The following EXPH5 variants were observed in gnomAD, a reference collection of about 807,000 sequenced individuals.
The protein encoded by EXPH5 is exophilin-5.
In EXPH5, 42 loss-of-function variants were observed where a neutral mutation model predicts 41.1. That is an observed-to-expected ratio of 1.02 (90% CI 0.80 to 1.32). The LOEUF (loss-of-function observed/expected upper bound fraction) is 1.32, where lower values mean the gene tolerates loss of function less well. Ranked by LOEUF, EXPH5 falls within the 40% of genes most tolerant of loss-of-function variation. The pLI is 0.00. For missense variants in EXPH5, 2,298 were observed against 2,314.5 expected (o/e 0.99, Z 0.15); for synonymous variants, 798 against 833.5 (o/e 0.96, Z 0.73).
chr11:108,527,271 G>A (rs1021039016), intron 4 of EXPH5, among the ~76,000 whole-genome samples: 1 of 152,116 alleles, frequency 6.6e-6, no homozygotes, highest in African/African-American at 2.4e-5. Context: ...AGTGAGCCAA[G>A]ATCATACCAC....
At chr11:108,543,821 A>G (rs2093925136) in intron 1 of EXPH5, among the ~76,000 whole-genome samples, 1 of 152,192 alleles carries the variant, frequency 6.6e-6, no homozygotes, top group Non-Finnish European at 1.5e-5. Flanking sequence ...CAGAATTTGC[A>G]TTGGTGCCTC....
intron 5 of EXPH5, among the ~76,000 whole-genome samples, chr11:108,516,536 C>G (rs1464843625): frequency 6.6e-6 from 1 of 152,060 alleles, no homozygotes; most frequent in Non-Finnish European, 1.5e-5. Context: ...TCAATAAATA[C>G]AAATAAATTA....
chr11:108,604,831 T>G, the EXPH5 span, among the ~76,000 whole-genome samples: 1 of 152,150 alleles, frequency 6.6e-6, no homozygotes, highest in South Asian at 2.1e-4. Flanking sequence ...TAGGATGAAA[T>G]CAGTTTTAGG....
intron 4 of EXPH5, among the ~76,000 whole-genome samples, chr11:108,519,774 A>T: frequency 6.6e-6 from 1 of 151,132 alleles, no homozygotes; most frequent in East Asian, 1.9e-4. Flanking sequence ...AGAAAAAAAA[A>T]CCCACAAAAA....
intron 1 of EXPH5, among the ~76,000 whole-genome samples, chr11:108,578,389 T>C (rs1268685338): frequency 6.6e-6 from 1 of 152,248 alleles, no homozygotes; most frequent in Non-Finnish European, 1.5e-5. Flanking sequence ...TCCATTGGTC[T>C]ATGTGTCTGT....
intron 2 of EXPH5, among the ~76,000 whole-genome samples, chr11:108,540,196 G>A (rs2093905038): frequency 2.0e-5 from 3 of 152,046 alleles, no homozygotes; most frequent in Admixed American, 1.3e-4. Context: ...GGTGGCGCAC[G>A]CCTGTAATCC....
intron 4 of EXPH5, among the ~76,000 whole-genome samples, chr11:108,519,037 A>G (rs2093746733): frequency 6.6e-6 from 1 of 152,150 alleles, no homozygotes; most frequent in African/African-American, 2.4e-5. Flanking sequence ...AAAATGGGCA[A>G]CCAGCAACCC....
At chr11:108,576,570 T>C (rs2094080331) in intron 1 of EXPH5, among the ~76,000 whole-genome samples, 1 of 152,216 alleles carries the variant, frequency 6.6e-6, no homozygotes, top group Non-Finnish European at 1.5e-5. Flanking sequence ...TAAAATTTTA[T>C]TTTTCATTCT....
intron 3 of EXPH5, chr11:108,538,333 A>G (rs1199837198): frequency 5.4e-6 from 4 of 746,214 alleles, no homozygotes; most frequent in South Asian, 6.0e-5. Context: ...AGTCAGCTCA[A>G]TTGCACTTAA....
intron 1 of EXPH5, among the ~76,000 whole-genome samples, chr11:108,555,760 C>T (rs1344320209): frequency 6.6e-6 from 1 of 152,166 alleles, no homozygotes; most frequent in Non-Finnish European, 1.5e-5. Flanking sequence ...TCTCACTTCA[C>T]TCGGCACTTC....
chr11:108,527,656 G>A (rs1046381308), intron 4 of EXPH5, among the ~76,000 whole-genome samples: 3 of 152,182 alleles, frequency 2.0e-5, no homozygotes, highest in Admixed American at 2.0e-4. Flanking sequence ...CGAACATGGT[G>A]ACAAATTTAA....
At chr11:108,526,603 A>G (rs1591690746) in intron 4 of EXPH5, among the ~76,000 whole-genome samples, 1 of 152,304 alleles carries the variant, frequency 6.6e-6, no homozygotes, top group East Asian at 1.9e-4. Flanking sequence ...TGGGGAGGTC[A>G]TGCCACTTCA....
chr11:108,592,198 T>G (rs1263121376), intron 1 of EXPH5, among the ~76,000 whole-genome samples: 1 of 152,180 alleles, frequency 6.6e-6, no homozygotes, highest in Non-Finnish European at 1.5e-5. Context: ...CCACTTTTTC[T>G]CAAGGCAGAT....
intron 5 of EXPH5, among the ~76,000 whole-genome samples, chr11:108,516,967 C>G (rs1240779832): frequency 1.3e-5 from 2 of 152,140 alleles, no homozygotes; most frequent in Non-Finnish European, 2.9e-5. Context: ...ATGAAAATCT[C>G]TTTGATACCC....
intron 1 of EXPH5, among the ~76,000 whole-genome samples, chr11:108,543,650 T>C (rs190084411): frequency 6.6e-6 from 1 of 152,236 alleles, no homozygotes; most frequent in East Asian, 1.9e-4. Context: ...AGTGGCAGAT[T>C]TGGAGTTAAA....
At chr11:108,598,935 G>A in the EXPH5 span, among the ~76,000 whole-genome samples, 2 of 152,148 alleles carry the variant, frequency 1.3e-5, no homozygotes, top group African/African-American at 4.8e-5. Context: ...GTGACCTTGG[G>A]TAGCCATCTC....
intron 1 of EXPH5, among the ~76,000 whole-genome samples, chr11:108,588,503 T>C (rs2094119808): frequency 6.6e-6 from 1 of 152,170 alleles, no homozygotes; most frequent in South Asian, 2.1e-4. Flanking sequence ...AATCGGACAC[T>C]CCCTAGCAGT....
intron 4 of EXPH5, among the ~76,000 whole-genome samples, chr11:108,523,972 G>T (rs2093781445): frequency 6.6e-6 from 1 of 152,208 alleles, no homozygotes; most frequent in Admixed American, 6.5e-5. Flanking sequence ...AAGCACTTTG[G>T]AGGCAGGACA....
At chr11:108,577,986 GGTTGTCTCTTCATGAT>G (rs2094085429) in intron 1 of EXPH5, among the ~76,000 whole-genome samples, 1 of 152,098 alleles carries the variant, frequency 6.6e-6, no homozygotes, top group African/African-American at 2.4e-5. Context: ...TCATTCTGTA[GGTTGTCTCTTCATGAT>G]GTTGATTGTT....
Sources: allele counts gnomAD v4.1 joint callset (sites outside exome capture counted in the v4.1 genomes callset), GRCh38; gene constraint gnomAD v4.1.1; transcripts MANE v1.5; gene names NCBI Gene and HGNC (gene_info 2026-07-23, HGNC 2026-07-21).